FTO: variants seen among roughly 807,000 people sequenced by gnomAD.
FTO encodes FTO alpha-ketoglutarate dependent dioxygenase, also known as alpha-ketoglutarate-dependent dioxygenase FTO.
FTO carries 47 observed loss-of-function variants against 63.9 expected under a neutral mutation model. The ratio of observed to expected loss-of-function variants is 0.74; its 90% CI spans 0.58 to 0.94. The LOEUF (loss-of-function observed/expected upper bound fraction) is 0.94. Ranked by LOEUF, FTO falls within the 40% of genes least tolerant of loss-of-function variation. The pLI, the probability that FTO is intolerant of heterozygous loss-of-function variation, is 0.00. For synonymous variants in FTO, 207 were observed against 224.4 expected, an observed-to-expected ratio of 0.92 and a Z score of 0.69; for missense variants, 562 against 618.1, an observed-to-expected ratio of 0.91 and a Z score of 0.96.
intron 7 of FTO, among the ~76,000 whole-genome samples, chr16:53,905,113 G>A (rs568821455): frequency 6.6e-6 from 1 of 152,080 alleles, no homozygotes; most frequent in South Asian, 2.1e-4. Context: ...GGAGTTGGGG[G>A]CCTTACTAGA....
chr16:54,000,741 T>C (rs2084046464), intron 8 of FTO, among the ~76,000 whole-genome samples: 1 of 152,246 alleles, frequency 6.6e-6, no homozygotes, highest in African/African-American at 2.4e-5. Context: ...GACAACACGA[T>C]ATGATTAAAG....
intron 8 of FTO, chr16:53,937,099 C>T: frequency 2.5e-6 from 1 of 396,048 alleles, no homozygotes. Context: ...TTTTGCATGA[C>T]TTGGGGTAAC....
At position 53,837,146 on chromosome 16, in the gene FTO, G is replaced by C. The variant is rs544899523; in HGVS notation, c.752-7009G>C. Among the ~76,000 whole-genome samples the C allele has an allele frequency of 6.6e-5, 10 of 152,332 alleles. No individual in the cohort carries two copies. The East Asian group carries it at 1.2e-3, about 18-fold the overall frequency. Reference sequence around the variant, plus strand: ...TTCATATTTTACTTCAGATAATATAGTGATTTTGAAGCTTTAGCTAATGGC... The same window carrying C: ...TTCATATTTTACTTCAGATAATATACTGATTTTGAAGCTTTAGCTAATGGC... On this transcript the variant is annotated intron_variant, in intron 3 of 8. Coordinates refer to ENST00000471389, the MANE Select transcript of FTO (RefSeq NM_001080432.3).
rs1187373816 is a variant in FTO, at chr16:53,751,375, A to G, written c.45+47146A>G. Among the ~76,000 whole-genome samples, 3 of 152,134 alleles carry G rather than the reference A, an allele frequency of 2.0e-5. No individual in the cohort carries two copies. The South Asian group carries it at 6.2e-4, about 32-fold the overall frequency. On this transcript the variant is annotated intron_variant, in intron 1 of 8. Transcript: ENST00000471389. ...TGGGAGGCTGAGGCAGGAGAATGGC[A>G]TGAACCCGGGAGGCGAAGCTTGCAG...
At chr16:53,969,915 G>A (rs1031984672) in intron 8 of FTO, among the ~76,000 whole-genome samples, 2 of 152,190 alleles carry the variant, frequency 1.3e-5, no homozygotes, top group Non-Finnish European at 2.9e-5. Context: ...CTGTGTGCTC[G>A]CCTCTGTAGT....
chr16:53,935,812 T>C (rs2082377952), intron 8 of FTO: 1 of 152,232 alleles, frequency 6.6e-6, no homozygotes, highest in African/African-American at 2.4e-5. Flanking sequence ...AGCATGTATA[T>C]TCATTAAAGT....
chr16:53,909,231 A>G (rs533236535), intron 7 of FTO, among the ~76,000 whole-genome samples: 1 of 152,324 alleles, frequency 6.6e-6, no homozygotes, highest in Non-Finnish European at 1.5e-5. Context: ...AACTGTTATT[A>G]AATTTTTTTA....
chr16:54,063,018 G>T lies in FTO; in HGVS notation c.1365-48744G>T, dbSNP rs2085622916. ...GGTGTGCGGGGAGGTTAACTTCAGA[G>T]CCTTGTTTCCGAGAGGGTGTGTGTG... On this transcript the variant is annotated intron_variant, in intron 8 of 8. Transcript: ENST00000471389. Among the ~76,000 whole-genome samples, 4 of 152,224 alleles carry T rather than the reference G, an allele frequency of 2.6e-5. No homozygotes were observed. The South Asian group carries it at 8.3e-4, about 32-fold the overall frequency.
chr16:54,093,758 T>G (rs1257751342), intron 8 of FTO, among the ~76,000 whole-genome samples: 1 of 152,126 alleles, frequency 6.6e-6, no homozygotes, highest in African/African-American at 2.4e-5. Context: ...AAGGGTGTCT[T>G]TTCTACAAAG....
At chr16:53,835,088 G>C (rs1197538799) in intron 3 of FTO, among the ~76,000 whole-genome samples, 2 of 152,068 alleles carry the variant, frequency 1.3e-5, no homozygotes, top group African/African-American at 4.8e-5. Context: ...TTTCTATGTA[G>C]TTATGACTAA....
intron 8 of FTO, among the ~76,000 whole-genome samples, chr16:54,092,424 A>AG (rs537641780): frequency 2.4e-4 from 37 of 152,308 alleles, no homozygotes; most frequent in African/African-American, 8.9e-4. Flanking sequence ...CTTTAAACTG[A>AG]GGGGGGTAGG....
chr16:54,054,380 C>T (rs2085381992), intron 8 of FTO: 1 of 152,158 alleles, frequency 6.6e-6, no homozygotes, highest in African/African-American at 2.4e-5. Context: ...TGCCAGCATC[C>T]ACATTTTCAT....
rs562771414 is a variant in FTO at position 53,863,890 on chromosome 16, C to T, written c.896-9896C>T. Among the ~76,000 whole-genome samples, 15 of 152,282 alleles carry T rather than the reference C, an allele frequency of 9.9e-5. No individual in the cohort carries two copies. In the South Asian group the frequency reaches 1.2e-3, roughly 13 times the overall value. ...TTGCCCTTCTTTAATCTAATTCCAC[C>T]TATACTATATTCAGCGCAATCATTT... On this transcript the variant is annotated intron_variant, in intron 4 of 8. Transcript: ENST00000471389.
chr16:54,096,868 G>C (rs1367937513), intron 8 of FTO, among the ~76,000 whole-genome samples: 1 of 152,150 alleles, frequency 6.6e-6, no homozygotes, highest in Non-Finnish European at 1.5e-5. Flanking sequence ...TAGAGGCTAG[G>C]AGTTTAAGAT....
intron 7 of FTO, among the ~76,000 whole-genome samples, chr16:53,920,324 T>C (rs986163962): frequency 6.6e-6 from 1 of 150,898 alleles, no homozygotes; most frequent in African/African-American, 2.5e-5. Flanking sequence ...TAAGTTGGCC[T>C]TCAGGGCCTT....
chr16:54,029,217 A>G (rs1328222584), intron 8 of FTO, among the ~76,000 whole-genome samples: 2 of 152,178 alleles, frequency 1.3e-5, no homozygotes, highest in African/African-American at 4.8e-5. Flanking sequence ...TAATTTCACA[A>G]GCATGTCACA....
chr16:53,722,304 A>G (rs913980817), intron 1 of FTO, among the ~76,000 whole-genome samples: 8 of 152,272 alleles, frequency 5.3e-5, no homozygotes, highest in Admixed American at 3.3e-4. Context: ...TCTTTTCCCT[A>G]TGGGGATTAT....
intron 4 of FTO, among the ~76,000 whole-genome samples, chr16:53,849,825 C>T (rs1051556194): frequency 2.0e-5 from 3 of 152,132 alleles, no homozygotes; most frequent in Non-Finnish European, 4.4e-5. Flanking sequence ...GACTCTTAAG[C>T]GGGGGCTCCC....
chr16:53,873,899 T>C lies in FTO; in HGVS notation c.975+34T>C, dbSNP rs762186436. Reference sequence around the variant, plus strand: ...AAATAAAAATGTGATTCACACCTAATTGGATGTGACAGAAGTGGTTGAATG... The same window carrying C: ...AAATAAAAATGTGATTCACACCTAACTGGATGTGACAGAAGTGGTTGAATG... On this transcript the variant is annotated intron_variant, in intron 5 of 8. Transcript: ENST00000471389. The C allele has an allele frequency of 2.1e-4, 310 of 1,499,792 alleles. 2 individuals are homozygous for C. In the South Asian group the frequency reaches 3.1e-3, roughly 15 times the overall value. 92.9% of individuals were successfully genotyped at this position (1,499,792 alleles called of 1,614,324 possible).
Sources: allele counts gnomAD v4.1 joint callset (sites outside exome capture counted in the v4.1 genomes callset), GRCh38; gene constraint gnomAD v4.1.1; transcripts MANE v1.5; gene names NCBI Gene and HGNC (gene_info 2026-07-23, HGNC 2026-07-21).